ROBO1: variants seen among roughly 807,000 people sequenced by gnomAD.
ROBO1 encodes roundabout homolog 1.
A neutral mutation model predicts 195.9 loss-of-function variants in ROBO1; 149 were observed. That is an observed-to-expected ratio of 0.76 (90% CI 0.67 to 0.87). The LOEUF is 0.87. Among genes scored for constraint, ROBO1 ranks in the 40% least tolerant of loss-of-function variants. The pLI is 0.00. For missense variants in ROBO1, 1,933 were observed against 2,068.3 expected (o/e 0.93, Z 1.27); for synonymous variants, 816 against 733.2 (o/e 1.11, Z -1.82).
At chr3:78,664,320 C>T (rs1290642260) in intron 14 of ROBO1, among the ~76,000 whole-genome samples, 1 of 152,140 alleles carries the variant, frequency 6.6e-6, no homozygotes, top group Non-Finnish European at 1.5e-5. Flanking sequence ...CCTATCCAGG[C>T]CCCACTCATT....
chr3:79,448,084 C>T (rs1020412081), intron 2 of ROBO1, among the ~76,000 whole-genome samples: 2 of 152,134 alleles, frequency 1.3e-5, no homozygotes, highest in Middle Eastern at 3.2e-3. Flanking sequence ...CCTTAAGCAA[C>T]CTTACAAATA....
At chr3:79,754,731 G>A (rs963570604) in intron 1 of ROBO1, among the ~76,000 whole-genome samples, 6 of 152,074 alleles carry the variant, frequency 3.9e-5, no homozygotes, top group African/African-American at 9.7e-5. Flanking sequence ...TTGCTGCTCT[G>A]GAATTAGCAA....
At chr3:79,350,391 C>T (rs1007936308) in intron 2 of ROBO1, among the ~76,000 whole-genome samples, 8 of 152,158 alleles carry the variant, frequency 5.3e-5, no homozygotes, top group Admixed American at 2.0e-4. Flanking sequence ...CTGTCCGTTC[C>T]TCAAGAAGCT....
intron 2 of ROBO1, among the ~76,000 whole-genome samples, chr3:79,153,741 G>A (rs1015517883): frequency 6.8e-6 from 1 of 147,244 alleles, no homozygotes; most frequent in East Asian, 2.0e-4. Flanking sequence ...AAATAATATA[G>A]TATTTATATA....
intron 2 of ROBO1, among the ~76,000 whole-genome samples, chr3:79,398,330 TTTTAATATATAATTCTTAGACTTTTATA>T (rs754712324): frequency 2.0e-5 from 3 of 152,192 alleles, no homozygotes; most frequent in Non-Finnish European, 4.4e-5. Context: ...ATCATGTCGA[TTTTAATATATAATTCTTAGACTTTTATA>T]TATTGAAGAC....
intron 3 of ROBO1, among the ~76,000 whole-genome samples, chr3:79,035,783 G>GA (rs1453612991): frequency 6.7e-6 from 1 of 150,352 alleles, no homozygotes; most frequent in African/African-American, 2.4e-5. Flanking sequence ...TCTTTTAATT[G>GA]AAAATTCCCC....
intron 2 of ROBO1, among the ~76,000 whole-genome samples, chr3:79,285,158 A>C (rs1415234315): frequency 1.3e-5 from 2 of 152,204 alleles, no homozygotes; most frequent in Non-Finnish European, 2.9e-5. Context: ...CATTTATTCA[A>C]GAGTTTATAT....
chr3:78,627,253 T>G (rs1704858147), intron 26 of ROBO1, 68 bp downstream of exon 26: 3 of 1,520,504 alleles, frequency 2.0e-6, no homozygotes, highest in South Asian at 1.3e-5. Context: ...TGGGATAGCA[T>G]TTGGTAACTT....
intron 4 of ROBO1, among the ~76,000 whole-genome samples, chr3:78,805,464 A>T (rs1245403458): frequency 6.6e-6 from 1 of 152,110 alleles, no homozygotes; most frequent in Non-Finnish European, 1.5e-5. Flanking sequence ...AACTACTTAG[A>T]TAATTCTGTG....
At chr3:79,456,493 C>T (rs2039623432) in intron 2 of ROBO1, among the ~76,000 whole-genome samples, 2 of 152,084 alleles carry the variant, frequency 1.3e-5, no homozygotes, top group South Asian at 4.1e-4. Flanking sequence ...GCTTAAAGCC[C>T]ATTTCTGTAG....
At chr3:78,651,647 C>A (rs1706666280) in intron 19 of ROBO1, 85 bp downstream of exon 19, 5 of 1,119,368 alleles carry the variant, frequency 4.5e-6, no homozygotes, top group Admixed American at 3.2e-5. Flanking sequence ...AGAGGATATG[C>A]ATAATCATGA....
At chr3:79,137,062 C>T (rs2080424507) in intron 2 of ROBO1, among the ~76,000 whole-genome samples, 2 of 151,940 alleles carry the variant, frequency 1.3e-5, no homozygotes, top group Admixed American at 1.3e-4. Flanking sequence ...AATGTTGCTG[C>T]TATAAGAAAA....
At chr3:78,951,284 C>T (rs1166577349) in intron 3 of ROBO1, among the ~76,000 whole-genome samples, 1 of 151,620 alleles carries the variant, frequency 6.6e-6, no homozygotes, top group Non-Finnish European at 1.5e-5. Context: ...TATATATTTA[C>T]ATACAGTACA....
At chr3:78,673,560 T>TTTTTTATATATATATATATATATATATA (rs1708199265) in intron 10 of ROBO1, among the ~76,000 whole-genome samples, 3 of 74,616 alleles carry the variant, frequency 4.0e-5, no homozygotes, top group African/African-American at 1.7e-4. Context: ...GTTACATATA[T>TTTTTTATATATATATATATATATATATA]TTTATATATA....
intron 4 of ROBO1, among the ~76,000 whole-genome samples, chr3:78,787,494 A>G (rs1244845226): frequency 6.6e-6 from 1 of 152,238 alleles, no homozygotes. Context: ...AGGGTACATA[A>G]TAACCATAAG....
intron 3 of ROBO1, among the ~76,000 whole-genome samples, chr3:79,031,358 C>T (rs1440793888): frequency 2.6e-5 from 4 of 152,098 alleles, no homozygotes; most frequent in Admixed American, 2.6e-4. Flanking sequence ...ACATGAATAA[C>T]ATGTATTATT....
At chr3:78,609,425 C>T (rs907556997) in intron 28 of ROBO1, among the ~76,000 whole-genome samples, 2 of 152,266 alleles carry the variant, frequency 1.3e-5, no homozygotes, top group African/African-American at 2.4e-5. Context: ...AATGGCCACA[C>T]CTGGGATGAC....
chr3:78,988,778 G>A (rs1466889822), intron 3 of ROBO1, among the ~76,000 whole-genome samples: 1 of 152,000 alleles, frequency 6.6e-6, no homozygotes, highest in Non-Finnish European at 1.5e-5. Flanking sequence ...CAATTATTTT[G>A]CAAACCAAAT....
intron 8 of ROBO1, among the ~76,000 whole-genome samples, chr3:78,706,002 G>A (rs2081542839): frequency 6.6e-6 from 1 of 150,402 alleles, no homozygotes; most frequent in Non-Finnish European, 1.5e-5. Flanking sequence ...ATGTCTCTGA[G>A]ACTGCAGTAA....
Sources: allele counts gnomAD v4.1 joint callset (sites outside exome capture counted in the v4.1 genomes callset), GRCh38; gene constraint gnomAD v4.1.1; transcripts MANE v1.5; gene names NCBI Gene and HGNC (gene_info 2026-07-23, HGNC 2026-07-21).